Variants in COL22A1 observed in about 807,000 individuals in gnomAD.
COL22A1 encodes the protein collagen type XXII alpha 1 chain, also known as collagen alpha-1(XXII) chain.
In COL22A1, 221 loss-of-function variants were observed where a neutral mutation model predicts 248.9. The ratio of observed to expected loss-of-function variants is 0.89; its 90% CI spans 0.80 to 0.99. The LOEUF (loss-of-function observed/expected upper bound fraction) is 0.99. COL22A1 is among the 50% of genes least tolerant of loss of function. The pLI, the probability that COL22A1 is intolerant of heterozygous loss-of-function variation, is 0.00. For missense variants in COL22A1, 2,240 were observed against 2,179.0 expected (o/e 1.03, Z -0.56); for synonymous variants, 891 against 793.4 (o/e 1.12, Z -2.07).
chr8:138,643,643 TAGATAGAC>T (rs1179899601), intron 47 of COL22A1, among the ~76,000 whole-genome samples: 106 of 92,000 alleles, frequency 1.2e-3, no homozygotes, highest in Middle Eastern at 4.9e-3. Context: ...GATAGATAGA[TAGATAGAC>T]AGATAGATAG....
chr8:138,892,022 T>C (rs1354912415), intron 1 of COL22A1, among the ~76,000 whole-genome samples: 1 of 152,208 alleles, frequency 6.6e-6, no homozygotes, highest in East Asian at 1.9e-4. Context: ...TATTTTCATA[T>C]GTTGCTTGAT....
chr8:138,707,393 A>G (rs545510033), intron 30 of COL22A1, among the ~76,000 whole-genome samples: 2 of 152,296 alleles, frequency 1.3e-5, no homozygotes, highest in East Asian at 3.9e-4. Context: ...CCTCAATAAA[A>G]TATGGCAAAC....
chr8:138,746,322 G>A (rs781053019), intron 22 of COL22A1, among the ~76,000 whole-genome samples: 1 of 152,134 alleles, frequency 6.6e-6, no homozygotes, highest in African/African-American at 2.4e-5. Flanking sequence ...GAGCTCTTCT[G>A]AGTGATGTTT....
rs757993582 is a variant in COL22A1, at chr8:138,821,203, C to G, written c.1178G>C (p.Arg393Pro). Residue 393 changes from arginine (R) to proline (P), a missense_variant, in exon 7 of 65, where the codon CGG becomes CCG. Coordinates refer to ENST00000303045, the MANE Select transcript of COL22A1 (RefSeq NM_152888.3). ...ALVQTLPIEERENIDIQGKTV... is the reference protein window; with the variant it reads ...ALVQTLPIEEPENIDIQGKTV... Reference sequence around the variant, plus strand: ...CTTGCCCTGGATGTCAATGTTCTCCCGTTCCTCGATGGGTAGTGTCTGCAC... The same window carrying G: ...CTTGCCCTGGATGTCAATGTTCTCCGGTTCCTCGATGGGTAGTGTCTGCAC... 5 of 1,614,062 alleles carry G rather than the reference C, an allele frequency of 3.1e-6. No homozygotes were observed. Among genetic ancestry groups the G allele is most frequent in the Non-Finnish European group, 4.2e-6 (5 of 1,180,048 alleles).
At chr8:138,676,856 G>A (rs1825602188) in intron 40 of COL22A1, among the ~76,000 whole-genome samples, 1 of 152,148 alleles carries the variant, frequency 6.6e-6, no homozygotes, top group African/African-American at 2.4e-5. Context: ...TTTCAAGGAC[G>A]ACCACTCCCG....
chr8:138,702,267 G>C lies in COL22A1; in HGVS notation c.2559+1039C>G, dbSNP rs139988306. Among the ~76,000 whole-genome samples, 166 of 152,266 alleles carry C rather than the reference G, an allele frequency of 1.1e-3. 1 individual carries two copies. The highest frequency in any genetic ancestry group is 3.8e-3 in the African/African-American group (156 of 41,548). Reference sequence around the variant, plus strand: ...GGTTATCAATCTTAAACAAAAATTTGATATGACTAATTCCGACTCTAAAGT... The same window carrying C: ...GGTTATCAATCTTAAACAAAAATTTCATATGACTAATTCCGACTCTAAAGT... On this transcript the variant is annotated intron_variant, in intron 31 of 64. Coordinates refer to ENST00000303045, the MANE Select transcript of COL22A1 (RefSeq NM_152888.3).
chr8:138,591,537 C>T, intron 63 of COL22A1, 36 bp from the exon 64 acceptor site: 1 of 1,467,746 alleles, frequency 6.8e-7, no homozygotes, highest in Non-Finnish European at 9.1e-7. Context: ...ATGGTGGAGA[C>T]CCCCGGGGAG....
At chr8:138,668,320 G>A (rs1824686219) in intron 41 of COL22A1, among the ~76,000 whole-genome samples, 1 of 151,988 alleles carries the variant, frequency 6.6e-6, no homozygotes, top group Non-Finnish European at 1.5e-5. Flanking sequence ...ACTAGTTGTG[G>A]CTATATGGGT....
Position 138,619,372 on chromosome 8 carries a change from T to C in COL22A1, c.3825+83A>G, listed in dbSNP as rs1305006139. On this transcript the variant is annotated intron_variant, in intron 53 of 64. Transcript: ENST00000303045. ...TCTAGGACCCCACGGTTGGGCAGTC[T>C]GGGCTAGCCCTGCTCACAGTGGTGA... 4 of 1,304,052 alleles carry C rather than the reference T, an allele frequency of 3.1e-6. No homozygotes were observed. The East Asian group carries it at 9.3e-5, about 30-fold the overall frequency. The allele number at this position is 1,304,052 out of a possible 1,614,324, so 80.8% of individuals were successfully genotyped here.
chr8:138,727,518 C>T (rs932709294), intron 23 of COL22A1, among the ~76,000 whole-genome samples: 1 of 152,144 alleles, frequency 6.6e-6, no homozygotes, highest in African/African-American at 2.4e-5. Flanking sequence ...AGCCGAGAGC[C>T]TGGGTTTGCA....
chr8:138,892,863 G>A (rs553742970), intron 1 of COL22A1, among the ~76,000 whole-genome samples: 2 of 152,346 alleles, frequency 1.3e-5, no homozygotes, highest in Admixed American at 1.3e-4. Flanking sequence ...GCCCATTGCG[G>A]GTGGGGGCTG....
intron 47 of COL22A1, 71 bp downstream of exon 47, chr8:138,646,558 T>A (rs1320176951): frequency 8.1e-7 from 1 of 1,240,002 alleles, no homozygotes; most frequent in Non-Finnish European, 1.1e-6. Flanking sequence ...CCATCACTCT[T>A]CCTTAAATTG....
At chr8:138,724,556 C>T (rs1285217375) in intron 25 of COL22A1, 59 bp downstream of exon 25, 31 of 1,523,896 alleles carry the variant, frequency 2.0e-5, no homozygotes, top group Non-Finnish European at 2.7e-5. Flanking sequence ...GCTCAGTGCT[C>T]CCCCCAGAGC....
At chr8:138,709,276 T>C (rs1407093168) in intron 30 of COL22A1, among the ~76,000 whole-genome samples, 2 of 152,172 alleles carry the variant, frequency 1.3e-5, no homozygotes, top group African/African-American at 4.8e-5. Context: ...GACCCAGCCA[T>C]CCCATTTCTA....
intron 16 of COL22A1, 58 bp from the exon 17 acceptor site, chr8:138,762,524 A>G (rs1284803781): frequency 2.0e-6 from 3 of 1,531,002 alleles, no homozygotes; most frequent in Non-Finnish European, 2.7e-6. Flanking sequence ...GCAGCAGCCC[A>G]GCACACATCC....
In COL22A1 at chr8:138,694,831, C is replaced by T; in HGVS notation, c.2641G>A (p.Glu881Lys). 6.2e-7 allele frequency: 1 copy of T among 1,613,988 alleles called. No homozygotes were observed. Among genetic ancestry groups the T allele is most frequent in the Non-Finnish European group, 8.5e-7 (1 of 1,179,928 alleles). Residue 881 changes from glutamate (E) to lysine (K), a missense_variant, in exon 33 of 65, where the codon GAA becomes AAA. Glu to Lys is a moderately conservative substitution (Grantham distance 56). Transcript: ENST00000303045. ...AGGGGACACAAGAGACTCACCGGTT[C>T]CCCAGGCAGGCCTGGATCGCCCTTC... The part of the protein sequence containing the change: ...GEKGDPGLPG[E>K]PGLQGRPGEL...
chr8:138,785,148 G>A (rs952043119), intron 12 of COL22A1, among the ~76,000 whole-genome samples: 2 of 152,146 alleles, frequency 1.3e-5, no homozygotes, highest in Non-Finnish European at 2.9e-5. Flanking sequence ...CAGGGATTCT[G>A]CCCTTCCTCT....
intron 62 of COL22A1, among the ~76,000 whole-genome samples, chr8:138,595,302 A>G (rs1225174960): frequency 1.3e-5 from 2 of 152,112 alleles, no homozygotes; most frequent in Non-Finnish European, 2.9e-5. Context: ...TCTCATCGTT[A>G]AAGTGGAGTG....
At chr8:138,817,263 G>A (rs1242212282) in intron 7 of COL22A1, among the ~76,000 whole-genome samples, 3 of 152,208 alleles carry the variant, frequency 2.0e-5, no homozygotes, top group Non-Finnish European at 4.4e-5. Flanking sequence ...ACCACTGTGA[G>A]CATCTGCAGT....
Sources: allele counts gnomAD v4.1 joint callset (sites outside exome capture counted in the v4.1 genomes callset), GRCh38; gene constraint gnomAD v4.1.1; transcripts MANE v1.5; gene names NCBI Gene and HGNC (gene_info 2026-07-23, HGNC 2026-07-21).